FTSJ1: variants seen among roughly 807,000 people sequenced by gnomAD.
FTSJ1 encodes FtsJ RNA 2'-O-methyltransferase 1, also known as tRNA (cytidine(32)/guanosine(34)-2'-O)-methyltransferase.
A neutral mutation model predicts 28.5 loss-of-function variants in FTSJ1; 3 were observed. That is an observed-to-expected ratio of 0.11 (90% CI 0.05 to 0.27). FTSJ1 has a LOEUF of 0.27. Among genes scored for constraint, FTSJ1 ranks in the 10% least tolerant of loss-of-function variants. FTSJ1 has a pLI of 1.00. For missense variants in FTSJ1, 162 were observed against 279.0 expected, an observed-to-expected ratio of 0.58 and a Z score of 2.99; for synonymous variants, 104 against 113.9, an observed-to-expected ratio of 0.91 and a Z score of 0.55.
chrX:48,480,524 G>A (rs1379222732), intron 5 of FTSJ1, among the ~76,000 whole-genome samples: 1 of 109,533 alleles, frequency 9.1e-6, no homozygotes, highest in African/African-American at 3.3e-5. Context: ...CGAGATGAGA[G>A]CTTGGAGAAA....
In FTSJ1 at chrX:48,481,732, G is replaced by T; in HGVS notation, c.655+17G>T. On this transcript the variant is annotated intron_variant, in intron 9 of 12. Coordinates refer to ENST00000348411, the MANE Select transcript of FTSJ1 (RefSeq NM_012280.4). ...ATTCTTACGGTGAGAGCTGGAGCAT[G>T]GGCCACCCTGGGGGACTCTGCCACA... The T allele has an allele frequency of 1.0e-6, 1 of 1,000,980 alleles. No homozygotes were observed. Among genetic ancestry groups the T allele is most frequent in the Non-Finnish European group, 1.4e-6 (1 of 704,099 alleles). 82.5% of individuals were successfully genotyped at this position (1,000,980 alleles called of 1,213,427 possible).
chrX:48,480,197 G>A (rs1230106895), intron 5 of FTSJ1, among the ~76,000 whole-genome samples: 1 of 111,069 alleles, frequency 9.0e-6, no homozygotes, highest in African/African-American at 3.3e-5. Context: ...CATTGAGCAG[G>A]AGGAAAGCAG....
At chrX:48,480,165 G>A (rs1283580191) in intron 5 of FTSJ1, among the ~76,000 whole-genome samples, 1 of 110,832 alleles carries the variant, frequency 9.0e-6, no homozygotes, top group Admixed American at 9.7e-5. Context: ...GGTGGGGTGG[G>A]GGATGGGTAC....
chrX:48,481,756 C>A, intron 9 of FTSJ1, 41 bp downstream of exon 9: 1 of 816,409 alleles, frequency 1.2e-6, no homozygotes, highest in Non-Finnish European at 1.9e-6. Context: ...GACTCTGCCA[C>A]ACCTTATGCA....
chrX:48,484,410 C>T (rs190994414), intron 12 of FTSJ1, among the ~76,000 whole-genome samples: 32 of 106,839 alleles, frequency 3.0e-4, no homozygotes, highest in South Asian at 2.1e-3. Context: ...AACAGAGTCT[C>T]GCTCTGTCGC....
rs2061579270 is a variant in FTSJ1, at chrX:48,482,916, G to A, written c.958-70G>A. The A allele has an allele frequency of 3.3e-6, 4 of 1,208,929 alleles. No individual in the cohort carries two copies. The South Asian group carries it at 5.3e-5, about 16-fold the overall frequency. On this transcript the variant is annotated intron_variant, in intron 11 of 12. Coordinates refer to ENST00000348411, the MANE Select transcript of FTSJ1 (RefSeq NM_012280.4). The stretch of plus-strand genomic sequence containing the variant: ...TGCCTCCCAATAGCTATAAAAAATT[G>A]GTAAAGCCAAGCATAATGAATGGAA...
intron 12 of FTSJ1, among the ~76,000 whole-genome samples, chrX:48,484,368 CTTTTTTGTTTTG>C (rs1435037027): frequency 3.7e-5 from 4 of 109,408 alleles, no homozygotes; most frequent in African/African-American, 1.0e-4. Context: ...CACACCTGGC[CTTTTTTGTTTTG>C]TTTTTTGTTT....
chrX:48,483,182 T>A, intron 12 of FTSJ1, 155 bp downstream of exon 12: 1 of 488,373 alleles, frequency 2.0e-6, no homozygotes, highest in Non-Finnish European at 3.6e-6. Flanking sequence ...GGAACTGCTT[T>A]AAGCATTTTA....
chrX:48,478,173 C>T lies in FTSJ1; in HGVS notation c.121+5C>T. 8.3e-7 allele frequency: 1 copy of T among 1,206,069 alleles called. No homozygotes were observed. Among genetic ancestry groups the T allele is most frequent in the Non-Finnish European group, 1.1e-6 (1 of 891,895 alleles). On this transcript the variant is annotated splice_donor_5th_base_variant and intron_variant, in intron 2 of 12. Coordinates refer to ENST00000348411, the MANE Select transcript of FTSJ1 (RefSeq NM_012280.4). ...AGGAATTCCAACTCTTCCAAGGTCC[C>T]TGACTGGTGGGCAGGTCACTGGGCG...
rs1556967083 is a variant in FTSJ1 at position 48,478,314 on chromosome X, A to G, written c.122-135A>G. On this transcript the variant is annotated intron_variant, in intron 2 of 12. Transcript: ENST00000348411. ...AGACAGGCAGGAAGATAGGCAGAATACCGGAGAGGAGTTGGGCACCTGGGC... is the reference window on the plus strand; with the variant it reads ...AGACAGGCAGGAAGATAGGCAGAATGCCGGAGAGGAGTTGGGCACCTGGGC... The G allele has an allele frequency of 3.6e-6, 3 of 833,172 alleles. No individual in the cohort carries two copies. In the African/African-American group the frequency reaches 6.1e-5, roughly 17 times the overall value. 68.7% of individuals were successfully genotyped at this position (833,172 alleles called of 1,213,427 possible).
intron 12 of FTSJ1, among the ~76,000 whole-genome samples, chrX:48,484,862 AAC>A (rs1229869584): frequency 8.9e-6 from 1 of 112,381 alleles, no homozygotes; most frequent in African/African-American, 3.2e-5. Context: ...AAATATCAAC[AAC>A]ACTAAGTATT....
rs1556968668 is a variant in FTSJ1, at chrX:48,481,680, C to T, written c.620C>T (p.Pro207Leu). ...TATGACCCTCCCGAGGGCTTCATCC[C>T]GGACCTGAGCAAACCCCTGCTGGAC... ...QGYDPPEGFIPDLSKPLLDHS... is the reference protein window; with the variant it reads ...QGYDPPEGFILDLSKPLLDHS... Residue 207 changes from proline to leucine, a missense_variant, in exon 9 of 13, where the codon CCG (proline) becomes CTG (leucine). Coordinates refer to ENST00000348411, the MANE Select transcript of FTSJ1 (RefSeq NM_012280.4). The T allele has an allele frequency of 1.1e-5, 13 of 1,194,527 alleles. No individual in the cohort carries two copies. The highest frequency in any genetic ancestry group is 1.7e-5 in the African/African-American group (1 of 57,618).
intron 9 of FTSJ1, among the ~76,000 whole-genome samples, chrX:48,481,984 G>T (rs888170821): frequency 5.4e-5 from 6 of 112,145 alleles, no homozygotes; most frequent in Non-Finnish European, 9.4e-5. Flanking sequence ...CCTGAGCCCT[G>T]CCCCAGTGGA....
In FTSJ1 at chrX:48,486,115, G is replaced by A. The variant is rs1259121467; in HGVS notation, c.*389G>A. On this transcript the variant is annotated 3_prime_UTR_variant, in exon 13 of 13. Coordinates refer to ENST00000348411, the MANE Select transcript of FTSJ1 (RefSeq NM_012280.4). ...TTAGCCTTACTCCCAAGTTATAAAT[G>A]CTGGCAACAAATCACAGTAGTAAAA... 1 of 112,176 alleles carries A rather than the reference G, an allele frequency of 8.9e-6. No homozygotes were observed. Among genetic ancestry groups the A allele is most frequent in the African/African-American group, 3.2e-5 (1 of 30,841 alleles). The allele number at this position is 112,176 out of a possible 1,213,427, so 9.2% of individuals were successfully genotyped here.
chrX:48,482,872 G>C, intron 11 of FTSJ1, 78 bp downstream of exon 11: 1 of 1,208,065 alleles, frequency 8.3e-7, no homozygotes, highest in African/African-American at 1.7e-5. Context: ...ATGGTTTCTG[G>C]GGCCAAAATT....
At chrX:48,483,530 C>T (rs2061582541) in intron 12 of FTSJ1, among the ~76,000 whole-genome samples, 1 of 111,457 alleles carries the variant, frequency 9.0e-6, no homozygotes, top group African/African-American at 3.3e-5. Flanking sequence ...TGTTTTGAGA[C>T]AAGGTCTCAC....
chrX:48,476,238 C>G lies in FTSJ1; in HGVS notation c.-246C>G, dbSNP rs782092495. ...CCGGCCCGCCGGAACCTGGGCGATC[C>G]ACGATGCCGAGTTTGCCACGCTGCG... On this transcript the variant is annotated 5_prime_UTR_variant, in exon 1 of 13. Transcript: ENST00000348411. 6.7e-6 allele frequency: 2 copies of G among 297,568 alleles called. No individual in the cohort carries two copies. The highest frequency in any genetic ancestry group is 4.0e-4 in the South Asian group (2 of 5,043). The allele number at this position is 297,568 out of a possible 1,213,427, so 24.5% of individuals were successfully genotyped here.
In FTSJ1 at chrX:48,485,335, A is replaced by G. The variant is rs782072603; in HGVS notation, c.*10-401A>G. On this transcript the variant is annotated intron_variant, in intron 12 of 12. Transcript: ENST00000348411. ...GTCCTAGAGTGTTGCTAGCAGCACT[A>G]TCTATAGTATATGCCCATTAAATCG... is the stretch of plus-strand genomic sequence containing the variant. 2.4e-4 allele frequency among the ~76,000 whole-genome samples: 27 copies of G among 111,369 alleles called. No individual in the cohort carries two copies. In the Admixed American group the frequency reaches 2.6e-3, roughly 11 times the overall value.
In FTSJ1 at chrX:48,477,955, C is replaced by T; in HGVS notation, c.-87-6C>T. The T allele has an allele frequency of 2.5e-6, 3 of 1,179,558 alleles. No individual in the cohort carries two copies. In the East Asian group the frequency reaches 9.0e-5, roughly 35 times the overall value. ...TTTAGTTTGTGTGGTTCTCTCCGCC[C>T]TACAGAGGTAGGTGGTAGCCCATTC... On this transcript the variant is annotated splice_polypyrimidine_tract_variant and splice_region_variant and intron_variant, in intron 1 of 12. Coordinates refer to ENST00000348411, the MANE Select transcript of FTSJ1 (RefSeq NM_012280.4).
Sources: gnomAD v4.1 joint callset for allele counts (sites outside exome capture counted in the v4.1 genomes callset) on GRCh38, gnomAD v4.1.1 for gene constraint, MANE v1.5 for transcripts, NCBI Gene and HGNC (gene_info 2026-07-23, HGNC 2026-07-21) for gene names.